The following PPIP5K2 variants were observed in gnomAD, a reference collection of about 807,000 sequenced individuals.
The protein encoded by PPIP5K2 is inositol hexakisphosphate and diphosphoinositol-pentakisphosphate kinase 2.
Under a neutral mutation model 154.6 loss-of-function variants are expected in PPIP5K2, and 105 were observed. The ratio of observed to expected loss-of-function variants is 0.68; its 90% confidence interval spans 0.58 to 0.80. The LOEUF (loss-of-function observed/expected upper bound fraction) is 0.80. Ranked by LOEUF, PPIP5K2 falls within the 30% of genes least tolerant of loss-of-function variation. The pLI, the probability that PPIP5K2 is intolerant of heterozygous loss-of-function variation, is 0.00. For missense variants in PPIP5K2, 992 were observed against 1,504.6 expected, an observed-to-expected ratio of 0.66 and a Z score of 5.64; for synonymous variants, 480 against 490.3, an observed-to-expected ratio of 0.98 and a Z score of 0.28.
Position 103,136,832 on chromosome 5 carries a change from G to A in PPIP5K2, c.401+10G>A. On this transcript the variant is annotated intron_variant, in intron 4 of 30. Transcript: ENST00000358359. Reference sequence around the variant, plus strand: ...ATCTCATACAAGATAGGTGAGTGGTGAAGTTGGCTGAATTAAGGGAAGGAA... The same window carrying A: ...ATCTCATACAAGATAGGTGAGTGGTAAAGTTGGCTGAATTAAGGGAAGGAA... 6.3e-7 allele frequency: 1 copy of A among 1,592,278 alleles called. No homozygotes were observed. Among genetic ancestry groups the A allele is most frequent in the Non-Finnish European group, 8.6e-7 (1 of 1,160,382 alleles).
At chr5:103,143,866 G>A (rs958758514) in intron 5 of PPIP5K2, among the ~76,000 whole-genome samples, 2 of 151,926 alleles carry the variant, frequency 1.3e-5, no homozygotes, top group African/African-American at 4.8e-5. Context: ...TTTCCTCTAA[G>A]AATTGGAACA....
intron 17 of PPIP5K2, 30 bp downstream of exon 17, chr5:103,159,358 A>T (rs782398694): frequency 1.5e-5 from 23 of 1,520,188 alleles, no homozygotes; most frequent in Non-Finnish European, 2.0e-5. Context: ...TATATTGTGA[A>T]ATATTACACA....
chr5:103,177,980 G>A lies in PPIP5K2; in HGVS notation c.2754G>A (p.Glu918=), dbSNP rs1041382852. ...SGYGYRPASR[E]NEGRRPFKID... ...ATGGATATAGACCAGCTTCCAGAGA[G>A]GTAATGAAGGTGGAACTCTCAGTGC... Residue 918 remains glutamate (E), a splice_region_variant and synonymous_variant, in exon 23 of 31, where the codon GAG becomes GAA. Coordinates refer to ENST00000358359, the MANE Select transcript of PPIP5K2 (RefSeq NM_001276277.3). 1 of 1,567,182 alleles carries A rather than the reference G, an allele frequency of 6.4e-7. No homozygotes were observed. Among genetic ancestry groups the A allele is most frequent in the South Asian group, 1.1e-5 (1 of 89,858 alleles).
At chr5:103,168,991 T>C (rs1199351733) in intron 19 of PPIP5K2, among the ~76,000 whole-genome samples, 2 of 151,834 alleles carry the variant, frequency 1.3e-5, no homozygotes, top group African/African-American at 2.4e-5. Context: ...TTATATAAAA[T>C]TTTTTGCAAG....
intron 19 of PPIP5K2, among the ~76,000 whole-genome samples, chr5:103,170,754 G>A (rs1040893023): frequency 1.3e-5 from 2 of 151,066 alleles, no homozygotes; most frequent in Non-Finnish European, 3.0e-5. Context: ...CAGAAGGCAG[G>A]TATTTTCAAT....
At position 103,167,196 on chromosome 5, in the gene PPIP5K2, C is replaced by A; in HGVS notation, c.1938C>A (p.Ser646Arg). The stretch of plus-strand genomic sequence containing the variant: ...ATTTGTAGCTTACTCCATCTGGAAG[C>A]ATTTCTCTTATCAAATCAATGCATT... Reference protein sequence around the residue: ...EDYEKLTPSGSISLIKSMHLI... With the variant: ...EDYEKLTPSGRISLIKSMHLI... Residue 646 changes from serine to arginine, a missense_variant, in exon 18 of 31, where the codon AGC becomes AGA. Physicochemically the swap from Ser to Arg is moderately radical, Grantham distance 110. Transcript: ENST00000358359. 1 of 1,566,596 alleles carries A rather than the reference C, an allele frequency of 6.4e-7. No homozygotes were observed. Among genetic ancestry groups the A allele is most frequent in the Middle Eastern group, 1.7e-4 (1 of 5,806 alleles).
At chr5:103,160,569 T>G (rs570937536) in intron 17 of PPIP5K2, among the ~76,000 whole-genome samples, 4 of 152,344 alleles carry the variant, frequency 2.6e-5, no homozygotes, top group African/African-American at 7.2e-5. Context: ...GTAAATATTT[T>G]ATTTAAAAAA....
At chr5:103,148,638 T>C (rs2149548701) in intron 7 of PPIP5K2, among the ~76,000 whole-genome samples, 1 of 152,268 alleles carries the variant, frequency 6.6e-6, no homozygotes, top group Admixed American at 6.5e-5. Context: ...CAGTCTGTCC[T>C]CTCTTTGTCT....
intron 17 of PPIP5K2, among the ~76,000 whole-genome samples, chr5:103,165,751 G>A (rs1403829714): frequency 9.9e-5 from 15 of 152,056 alleles, no homozygotes; most frequent in Admixed American, 9.9e-4. Context: ...TGAAGATGAA[G>A]CCCTCAAAGG....
At chr5:103,141,009 A>G (rs1554206448) in intron 5 of PPIP5K2, among the ~76,000 whole-genome samples, 1 of 152,076 alleles carries the variant, frequency 6.6e-6, no homozygotes, top group Non-Finnish European at 1.5e-5. Context: ...AAAGGAGTTC[A>G]TCAATCTGAT....
At position 103,201,459 on chromosome 5, in the gene PPIP5K2, G is replaced by T; in HGVS notation, c.3620-63G>T. ...GTTTTGTCAATCAGCAGTATTATTT[G>T]AACTTGGATTGTTTGTGTAAATTTA... On this transcript the variant is annotated intron_variant, in intron 30 of 30. Coordinates refer to ENST00000358359, the MANE Select transcript of PPIP5K2 (RefSeq NM_001276277.3). The T allele has an allele frequency of 3.1e-6, 3 of 967,444 alleles. No homozygotes were observed. The South Asian group carries it at 4.9e-5, about 16-fold the overall frequency. 59.9% of individuals were successfully genotyped at this position (967,444 alleles called of 1,614,324 possible).
chr5:103,161,675 C>G (rs1403098724), intron 17 of PPIP5K2, among the ~76,000 whole-genome samples: 2 of 152,182 alleles, frequency 1.3e-5, no homozygotes, highest in African/African-American at 4.8e-5. Context: ...GATGGTATCT[C>G]ATTGTGGTTT....
chr5:103,167,375 C>A, intron 18 of PPIP5K2, 55 bp downstream of exon 18: 1 of 1,361,998 alleles, frequency 7.3e-7, no homozygotes, highest in Non-Finnish European at 9.9e-7. Flanking sequence ...TTCAATTAAG[C>A]ATTTAATATA....
Position 103,154,715 on chromosome 5 carries a change from AT to A in PPIP5K2, c.1265del (p.Leu422Ter). 1 of 1,584,082 alleles carries A rather than the reference AT, an allele frequency of 6.3e-7. No individual in the cohort carries two copies. The highest frequency in any genetic ancestry group is 8.6e-7 in the Non-Finnish European group (1 of 1,161,922). ...AGTGTGATGGATATAAATCAGGGAA[AT>A]TAAAACTCAAAAAACCAAAACAGTT... is the stretch of plus-strand genomic sequence containing the variant. ...EKCDGYKSGK[L>X]KLKKPKQLQE... On this transcript the variant is annotated frameshift_variant, in exon 12 of 31. Coordinates refer to ENST00000358359, the MANE Select transcript of PPIP5K2 (RefSeq NM_001276277.3). LOFTEE classifies it high-confidence loss of function.
chr5:103,160,118 G>C (rs1485005726), intron 17 of PPIP5K2, among the ~76,000 whole-genome samples: 1 of 152,074 alleles, frequency 6.6e-6, no homozygotes, highest in Admixed American at 6.5e-5. Context: ...TTTAAGGCTA[G>C]ATGATGATAC....
chr5:103,198,002 A>G (rs1344959512), intron 30 of PPIP5K2, among the ~76,000 whole-genome samples: 1 of 151,574 alleles, frequency 6.6e-6, no homozygotes, highest in East Asian at 1.9e-4. Context: ...TAGGTCATTG[A>G]TTGTTATCTA....
rs1798329062 is a variant in PPIP5K2 at position 103,173,873 on chromosome 5, T to G, written c.2430T>G (p.Val810=). The G allele has an allele frequency of 3.8e-6, 6 of 1,597,270 alleles. No homozygotes were observed. Among genetic ancestry groups the G allele is most frequent in the Non-Finnish European group, 5.1e-6 (6 of 1,166,108 alleles). Residue 810 remains valine (V), a synonymous_variant, in exon 21 of 31, where the codon GTT becomes GTG. Transcript: ENST00000358359. ...NKLHPVYSRG[V]LSPERHVRTR... ...CTAATTTTAGGTATTCTAGAGGTGT[T>G]CTGTCTCCTGAACGTCATGTTCGTA...
At chr5:103,189,157 C>A (rs1554226081) in intron 28 of PPIP5K2, 5 of 1,521,582 alleles carry the variant, frequency 3.3e-6, no homozygotes, top group South Asian at 1.2e-5. Flanking sequence ...TTTTCTGGGC[C>A]TCTGTGCAGA....
chr5:103,170,625 A>G lies in PPIP5K2; in HGVS notation c.2286+2330A>G, dbSNP rs146486460. On this transcript the variant is annotated intron_variant, in intron 19 of 30. Transcript: ENST00000358359. ...TTGGGTTTATCTCCCTAACTTTTTC[A>G]TATGACAATCTTTATTGTAAGAGAA... Among the ~76,000 whole-genome samples, 386 of 151,242 alleles carry G rather than the reference A, an allele frequency of 2.6e-3. 3 individuals are homozygous for G. Among genetic ancestry groups the G allele is most frequent in the Non-Finnish European group, 4.4e-3 (298 of 67,524 alleles).
Sources: gnomAD v4.1 joint callset for allele counts (sites outside exome capture counted in the v4.1 genomes callset) on GRCh38, gnomAD v4.1.1 for gene constraint, MANE v1.5 for transcripts, NCBI Gene and HGNC (gene_info 2026-07-23, HGNC 2026-07-21) for gene names.